SEC24B: variants seen among roughly 807,000 people sequenced by gnomAD.
SEC24B encodes the protein protein transport protein Sec24B.
In SEC24B, 45 loss-of-function variants were observed where a neutral mutation model predicts 142.8. The ratio of observed to expected loss-of-function variants is 0.32; its 90% CI spans 0.25 to 0.40. The LOEUF is 0.40. Among genes scored for constraint, SEC24B ranks in the 10% least tolerant of loss-of-function variants. SEC24B has a pLI of 1.00. For synonymous variants in SEC24B, 574 were observed against 568.2 expected (o/e 1.01, Z -0.15); for missense variants, 1,409 against 1,526.8 (o/e 0.92, Z 1.29).
At chr4:109,438,182 G>A (rs529710101) in intron 1 of SEC24B, among the ~76,000 whole-genome samples, 4 of 152,264 alleles carry the variant, frequency 2.6e-5, no homozygotes, top group Non-Finnish European at 4.4e-5. Context: ...TCTTGTTCAC[G>A]TTGTATAATA....
chr4:109,464,032 C>T (rs1320872998), intron 2 of SEC24B, among the ~76,000 whole-genome samples: 1 of 152,170 alleles, frequency 6.6e-6, no homozygotes, highest in African/African-American at 2.4e-5. Context: ...GCCAGAGCCC[C>T]ACTTACTTAG....
chr4:109,498,926 G>C lies in SEC24B; in HGVS notation c.1488+4070G>C, dbSNP rs550955630. 1.4e-4 allele frequency among the ~76,000 whole-genome samples: 22 copies of C among 152,056 alleles called. 1 individual carries two copies. The highest frequency in any genetic ancestry group is 5.3e-4 in the African/African-American group (22 of 41,496). ...AGGGTGGAAAAACAGGGAAAAGGCT[G>C]ATGTTTAAAAACAAAAATAAAAATT... On this transcript the variant is annotated intron_variant, in intron 6 of 23. Transcript: ENST00000265175.
chr4:109,473,520 C>T (rs981541271), intron 3 of SEC24B, among the ~76,000 whole-genome samples: 1 of 152,036 alleles, frequency 6.6e-6, no homozygotes, highest in African/African-American at 2.4e-5. Context: ...GATAGAGAAG[C>T]CAAAACTTTA....
intron 4 of SEC24B, among the ~76,000 whole-genome samples, chr4:109,483,172 C>T (rs1008476633): frequency 1.7e-4 from 25 of 149,952 alleles, no homozygotes; most frequent in African/African-American, 2.9e-4. Flanking sequence ...CTGCACCTTC[C>T]GGGTTCACAC....
At chr4:109,450,006 G>C (rs1366347937) in intron 1 of SEC24B, among the ~76,000 whole-genome samples, 1 of 152,126 alleles carries the variant, frequency 6.6e-6, no homozygotes, top group Non-Finnish European at 1.5e-5. Context: ...CTTGAGGCCA[G>C]GAGTTCGAGA....
chr4:109,491,468 C>A, intron 5 of SEC24B, 61 bp downstream of exon 5: 1 of 1,227,268 alleles, frequency 8.1e-7, no homozygotes, highest in Non-Finnish European at 1.2e-6. Context: ...CAGTTGCCTT[C>A]AAATGTGAAC....
chr4:109,512,212 A>G (rs1204270651), intron 9 of SEC24B, 129 bp downstream of exon 9: 2 of 810,940 alleles, frequency 2.5e-6, no homozygotes, highest in East Asian at 2.6e-5. Flanking sequence ...AGTAGAGGGA[A>G]TATAGGCTAA....
At chr4:109,453,440 G>GGCCCCCC (rs1730322674) in intron 1 of SEC24B, among the ~76,000 whole-genome samples, 1 of 41,076 alleles carries the variant, frequency 2.4e-5, no homozygotes, top group Non-Finnish European at 4.4e-5. Flanking sequence ...GCCATTTTAG[G>GGCCCCCC]CCCCCCCCCC....
At chr4:109,509,265 C>T (rs1387351631) in intron 7 of SEC24B, among the ~76,000 whole-genome samples, 1 of 152,204 alleles carries the variant, frequency 6.6e-6, no homozygotes. Flanking sequence ...AAATAGATAT[C>T]TCTACATGAT....
At chr4:109,443,809 G>C (rs1370938564) in intron 1 of SEC24B, among the ~76,000 whole-genome samples, 1 of 152,200 alleles carries the variant, frequency 6.6e-6, no homozygotes, top group African/African-American at 2.4e-5. Context: ...TAGAACTTCA[G>C]CTATATCTAA....
chr4:109,527,250 A>G (rs1192524738), intron 17 of SEC24B, 72 bp from the exon 18 acceptor site: 1 of 1,071,740 alleles, frequency 9.3e-7, no homozygotes, highest in Non-Finnish European at 1.4e-6. Context: ...AGAAAGAAAA[A>G]AAGTATTTGA....
At position 109,474,376 on chromosome 4, in the gene SEC24B, G is replaced by A. The variant is rs114974764; in HGVS notation, c.1060+1190G>A. Among the ~76,000 whole-genome samples, 524 of 149,938 alleles carry A rather than the reference G, an allele frequency of 3.5e-3. 1 individual carries two copies. The highest frequency in any genetic ancestry group is 0.012 in the African/African-American group (482 of 40,900). ...CTGCCTTCCATTTCTTAAATGTTTC[G>A]CTTTTTTTGGCCTATTACATTGCCC... is the stretch of plus-strand genomic sequence containing the variant. On this transcript the variant is annotated intron_variant, in intron 3 of 23. Transcript: ENST00000265175.
intron 1 of SEC24B, among the ~76,000 whole-genome samples, chr4:109,457,084 A>C (rs191613585): frequency 6.6e-6 from 1 of 150,832 alleles, no homozygotes; most frequent in East Asian, 2.0e-4. Flanking sequence ...ATATCATCTT[A>C]GTACTGTTAT....
intron 10 of SEC24B, 49 bp from the exon 11 acceptor site, chr4:109,516,479 G>A (rs1209960799): frequency 1.8e-6 from 2 of 1,125,712 alleles, no homozygotes; most frequent in Admixed American, 4.4e-5. Flanking sequence ...TATATAAAAA[G>A]AATAAATTGT....
intron 1 of SEC24B, among the ~76,000 whole-genome samples, 198 bp from the exon 2 acceptor site, chr4:109,462,703 G>T (rs745871229): frequency 1.3e-5 from 2 of 152,150 alleles, no homozygotes; most frequent in Non-Finnish European, 2.9e-5. Flanking sequence ...GGACTACAAG[G>T]GTGTGAATAA....
At chr4:109,436,251 G>A (rs1728399402) in intron 1 of SEC24B, among the ~76,000 whole-genome samples, 1 of 151,884 alleles carries the variant, frequency 6.6e-6, no homozygotes, top group South Asian at 2.1e-4. Flanking sequence ...AGAGAAACAA[G>A]ATTAAATCTC....
At chr4:109,461,124 A>G (rs535715382) in intron 1 of SEC24B, among the ~76,000 whole-genome samples, 1 of 152,330 alleles carries the variant, frequency 6.6e-6, no homozygotes, top group African/African-American at 2.4e-5. Context: ...GCAATGCTAC[A>G]GAAAAAGCAA....
rs1303313569 is a variant in SEC24B at position 109,494,740 on chromosome 4, C to G, written c.1372C>G (p.Pro458Ala). 1.9e-6 allele frequency: 3 copies of G among 1,614,220 alleles called. No homozygotes were observed. The highest frequency in any genetic ancestry group is 2.2e-5 in the East Asian group (1 of 44,884). ...CCCTCAGCCTTCAAAAATGGCTAAG[C>G]CTTTTGGCTATGGCTATCCAACACT... Reference protein sequence around the residue: ...VVPQPSKMAKPFGYGYPTLQP... With the variant: ...VVPQPSKMAKAFGYGYPTLQP... The change falls in exon 6 of 24, where the codon CCT (proline) becomes GCT (alanine). Residue 458 changes from proline (P) to alanine (A), a missense_variant. By Grantham distance (27) the Pro-to-Ala change is conservative. This residue lies in a region of SEC24B where 709 missense variants were observed against 673.5 expected (regional missense o/e 1.05). Coordinates refer to ENST00000265175, the MANE Select transcript of SEC24B (RefSeq NM_006323.5).
chr4:109,439,742 C>T (rs1561054842), intron 1 of SEC24B, among the ~76,000 whole-genome samples: 2 of 150,234 alleles, frequency 1.3e-5, no homozygotes, highest in Non-Finnish European at 3.0e-5. Context: ...CTCAGATGAT[C>T]CACCCGCCTT....
Sources: allele counts gnomAD v4.1 joint callset (sites outside exome capture counted in the v4.1 genomes callset), GRCh38; gene constraint gnomAD v4.1.1; regional missense constraint gnomAD v4.1.1; transcripts MANE v1.5; gene names NCBI Gene and HGNC (gene_info 2026-07-23, HGNC 2026-07-21).